Variants in RAB3B observed in about 807,000 individuals in gnomAD.
The protein encoded by RAB3B is ras-related protein Rab-3B.
A neutral mutation model predicts 20.5 loss-of-function variants in RAB3B; 11 were observed. The ratio of observed to expected loss-of-function variants is 0.54; its 90% CI spans 0.34 to 0.89. The LOEUF (loss-of-function observed/expected upper bound fraction) is 0.89. RAB3B is among the 40% of genes least tolerant of loss of function. The pLI, the probability that RAB3B is intolerant of heterozygous loss-of-function variation, is 0.02. For missense variants in RAB3B, 225 were observed against 280.9 expected, an observed-to-expected ratio of 0.80 and a Z score of 1.42; for synonymous variants, 99 against 106.3, an observed-to-expected ratio of 0.93 and a Z score of 0.42.
At chr1:51,928,268 G>C (rs928172959) in intron 4 of RAB3B, among the ~76,000 whole-genome samples, 1 of 152,050 alleles carries the variant, frequency 6.6e-6, no homozygotes, top group Admixed American at 6.5e-5. Flanking sequence ...CACCACGCCT[G>C]GCTAATTTTT....
rs76885836 is a variant in RAB3B, at chr1:51,989,103, G to A, written c.-1+1449C>T. On this transcript the variant is annotated intron_variant, in intron 1 of 4. Coordinates refer to ENST00000371655, the MANE Select transcript of RAB3B (RefSeq NM_002867.4). ...CAGGTGGACACCCACCTGTGCGCGC[G>A]CACACACACACACACACACACACAC... 7.3e-3 allele frequency among the ~76,000 whole-genome samples: 971 copies of A among 132,748 alleles called. 6 individuals are homozygous for A. The highest frequency in any genetic ancestry group is 0.011 in the African/African-American group (390 of 35,912). The allele number at this position is 132,748 out of a possible 152,430, so 87.1% of individuals were successfully genotyped here. A position where few individuals can be genotyped will look rare whatever the true frequency, so the allele number is the denominator to read the frequency against.
rs921764219 is a variant in RAB3B, at chr1:51,911,600, C to A, written c.*8327G>T. The A allele has an allele frequency of 6.6e-6, 1 of 151,976 alleles. No homozygotes were observed. The highest frequency in any genetic ancestry group is 1.5e-5 in the Non-Finnish European group (1 of 67,978). 9.4% of individuals were successfully genotyped at this position (151,976 alleles called of 1,614,324 possible). On this transcript the variant is annotated 3_prime_UTR_variant, in exon 5 of 5. Coordinates refer to ENST00000371655, the MANE Select transcript of RAB3B (RefSeq NM_002867.4). ...TCAAAGGAAGAGGTGATCAGCCAAG[C>A]CTCCAAACCAGAATCAGGGTCTAGA...
intron 2 of RAB3B, among the ~76,000 whole-genome samples, chr1:51,968,416 T>C (rs1156367298): frequency 6.6e-6 from 1 of 152,172 alleles, no homozygotes; most frequent in Admixed American, 6.5e-5. Flanking sequence ...CTATTCTTCT[T>C]CCCCTAATCA....
At chr1:51,981,752 T>C (rs1301807437) in intron 1 of RAB3B, among the ~76,000 whole-genome samples, 1 of 152,224 alleles carries the variant, frequency 6.6e-6, no homozygotes, top group African/African-American at 2.4e-5. Context: ...GAAAAATTCC[T>C]ATTGCCTAGT....
At position 51,968,085 on chromosome 1, in the gene RAB3B, G is replaced by A. The variant is rs558397321; in HGVS notation, c.228+8805C>T. ...CAGCTTTGAAGATGGATGGAAGAAG[G>A]GGCCCCAAGCAAAGGGATGTAGGCA... On this transcript the variant is annotated intron_variant, in intron 2 of 4. Coordinates refer to ENST00000371655, the MANE Select transcript of RAB3B (RefSeq NM_002867.4). 2.6e-5 allele frequency among the ~76,000 whole-genome samples: 4 copies of A among 152,198 alleles called. No homozygotes were observed. In the East Asian group the frequency reaches 7.7e-4, roughly 29 times the overall value.
chr1:51,936,647 T>A (rs2124254812), intron 3 of RAB3B, among the ~76,000 whole-genome samples: 1 of 152,248 alleles, frequency 6.6e-6, no homozygotes, highest in African/African-American at 2.4e-5. Context: ...TATTCATTTG[T>A]CCCTCGGGCT....
At chr1:51,968,218 C>A (rs923744961) in intron 2 of RAB3B, among the ~76,000 whole-genome samples, 1 of 152,040 alleles carries the variant, frequency 6.6e-6, no homozygotes, top group African/African-American at 2.4e-5. Context: ...CCAGTGAGAC[C>A]CACCTTAGAC....
chr1:51,986,146 ATTTTTTTT>A (rs11308826), intron 1 of RAB3B, among the ~76,000 whole-genome samples: 6 of 89,316 alleles, frequency 6.7e-5, no homozygotes, highest in African/African-American at 2.1e-4. Flanking sequence ...ATTTCTACGA[ATTTTTTTT>A]TTTTTTTTTT....
At chr1:51,964,817 C>T (rs985455576) in intron 2 of RAB3B, among the ~76,000 whole-genome samples, 1 of 152,234 alleles carries the variant, frequency 6.6e-6, no homozygotes, top group Non-Finnish European at 1.5e-5. Flanking sequence ...AAGCCACCAT[C>T]ATTCCCAGCC....
In RAB3B at chr1:51,938,582, C is replaced by T. The variant is rs185067479; in HGVS notation, c.229-1170G>A. On this transcript the variant is annotated intron_variant, in intron 2 of 4. Coordinates refer to ENST00000371655, the MANE Select transcript of RAB3B (RefSeq NM_002867.4). ...TGTATTAGTTTTATAACTATATGTG[C>T]ACAGAAAAAAATAGAAGAAACACAT... is the stretch of plus-strand genomic sequence containing the variant. 1.4e-3 allele frequency among the ~76,000 whole-genome samples: 218 copies of T among 151,524 alleles called. 1 individual carries two copies. The highest frequency in any genetic ancestry group is 4.9e-3 in the Admixed American group (74 of 15,248).
intron 4 of RAB3B, 138 bp downstream of exon 4, chr1:51,933,180 C>T: frequency 2.2e-6 from 2 of 894,600 alleles, no homozygotes; most frequent in Non-Finnish European, 1.6e-6. Context: ...TAAAACAATA[C>T]ACACAGATCA....
intron 2 of RAB3B, among the ~76,000 whole-genome samples, chr1:51,938,263 T>C (rs1268472283): frequency 1.3e-5 from 2 of 152,200 alleles, no homozygotes; most frequent in African/African-American, 2.4e-5. Context: ...TTAGCCTTTC[T>C]GGGAATCAAT....
chr1:51,955,752 T>C (rs867935358), intron 2 of RAB3B, among the ~76,000 whole-genome samples: 7 of 152,046 alleles, frequency 4.6e-5, no homozygotes, highest in Admixed American at 6.6e-5. Flanking sequence ...GGAGTTAACA[T>C]ATACAGAGCA....
intron 2 of RAB3B, among the ~76,000 whole-genome samples, chr1:51,952,083 GCA>G (rs1684648842): frequency 6.6e-6 from 1 of 152,150 alleles, no homozygotes; most frequent in South Asian, 2.1e-4. Flanking sequence ...TGACAGCAGA[GCA>G]CAGGCCATTA....
chr1:51,970,110 CAAACAAAA>C (rs1462012332), intron 2 of RAB3B, among the ~76,000 whole-genome samples: 27 of 151,340 alleles, frequency 1.8e-4, no homozygotes, highest in African/African-American at 6.3e-4. Flanking sequence ...AACAAACAAA[CAAACAAAA>C]AAACAAAAAC....
At chr1:51,989,258 T>G (rs907381083) in intron 1 of RAB3B, among the ~76,000 whole-genome samples, 3 of 108,180 alleles carry the variant, frequency 2.8e-5, no homozygotes, top group East Asian at 2.9e-4. Context: ...GTGTGTGTGT[T>G]TTGAGGGCCC....
chr1:51,923,017 T>C (rs956224446), intron 4 of RAB3B, among the ~76,000 whole-genome samples: 1 of 152,234 alleles, frequency 6.6e-6, no homozygotes, highest in Non-Finnish European at 1.5e-5. Context: ...TTATTGAGCA[T>C]TGACCTTGTG....
intron 2 of RAB3B, among the ~76,000 whole-genome samples, chr1:51,974,763 G>A (rs546986744): frequency 1.7e-4 from 26 of 152,328 alleles, no homozygotes; most frequent in African/African-American, 6.0e-4. Flanking sequence ...CAAAACAGGA[G>A]TGTATTAAAG....
intron 2 of RAB3B, among the ~76,000 whole-genome samples, chr1:51,959,695 T>G (rs552720290): frequency 1.3e-5 from 2 of 151,458 alleles, no homozygotes; most frequent in Admixed American, 6.6e-5. Flanking sequence ...AGAAAAGGAG[T>G]AGTAGGTAAA....
Sources: allele counts gnomAD v4.1 joint callset (sites outside exome capture counted in the v4.1 genomes callset), GRCh38; gene constraint gnomAD v4.1.1; transcripts MANE v1.5; gene names NCBI Gene and HGNC (gene_info 2026-07-23, HGNC 2026-07-21).